ATP13A4: variants seen among roughly 807,000 people sequenced by gnomAD.
The protein encoded by ATP13A4 is ATPase 13A4, also known as probable cation-transporting ATPase 13A4.
Under a neutral mutation model 142.5 loss-of-function variants are expected in ATP13A4, and 114 were observed. That is an observed-to-expected ratio of 0.80 (90% CI 0.69 to 0.93). The LOEUF is 0.93. ATP13A4 is among the 40% of genes least tolerant of loss of function. The pLI is 0.00. For synonymous variants in ATP13A4, 488 were observed against 514.8 expected (o/e 0.95, Z 0.70); for missense variants, 1,392 against 1,454.0 (o/e 0.96, Z 0.69).
At chr3:193,471,083 G>A in intron 8 of ATP13A4, 90 bp from the exon 9 acceptor site, 1 of 1,553,578 alleles carries the variant, frequency 6.4e-7, no homozygotes, top group Non-Finnish European at 8.9e-7. Flanking sequence ...CAATGAAAAA[G>A]CAACCAAGAC....
At chr3:193,578,023 G>A (rs912015848) in intron 2 of ATP13A4, among the ~76,000 whole-genome samples, 3 of 152,262 alleles carry the variant, frequency 2.0e-5, no homozygotes, top group South Asian at 4.1e-4. Context: ...GGCTAGGTGC[G>A]GTGGCTCACT....
At chr3:193,479,048 C>A (rs971628272) in intron 8 of ATP13A4, among the ~76,000 whole-genome samples, 5 of 152,088 alleles carry the variant, frequency 3.3e-5, no homozygotes, top group Non-Finnish European at 7.4e-5. Flanking sequence ...GCATAAAAAG[C>A]ATTTGACAAA....
At chr3:193,464,037 A>G (rs1718117657) in intron 12 of ATP13A4, among the ~76,000 whole-genome samples, 1 of 152,254 alleles carries the variant, frequency 6.6e-6, no homozygotes. Flanking sequence ...AGTGAACAGT[A>G]CACTTAAAAA....
chr3:193,555,113 C>T, upstream of ATP13A4: 1 of 446,752 alleles, frequency 2.2e-6, no homozygotes, highest in Non-Finnish European at 4.1e-6. Context: ...AGGGAAAGAA[C>T]TCATTGCCTG....
chr3:193,502,481 A>T lies in ATP13A4; in HGVS notation c.381+12T>A, dbSNP rs989912688. On this transcript the variant is annotated intron_variant, in intron 3 of 29. Coordinates refer to ENST00000342695, the MANE Select transcript of ATP13A4 (RefSeq NM_032279.4). ...TCTCTCTGACATCAGCAGTAGCCATAAGTTTACTTACCTTTAGGTCTGGCT... is the reference window on the plus strand; with the variant it reads ...TCTCTCTGACATCAGCAGTAGCCATTAGTTTACTTACCTTTAGGTCTGGCT... The T allele has an allele frequency of 1.1e-5, 17 of 1,612,928 alleles. No homozygotes were observed. The highest frequency in any genetic ancestry group is 1.4e-5 in the Non-Finnish European group (17 of 1,179,080).
At chr3:193,534,762 T>C (rs940565450) in intron 1 of ATP13A4, among the ~76,000 whole-genome samples, 4 of 152,120 alleles carry the variant, frequency 2.6e-5, no homozygotes, top group African/African-American at 9.7e-5. Context: ...TACTATGTCA[T>C]TGGAATCCTA....
rs75765886 is a variant in ATP13A4, at chr3:193,460,280, A to G, written c.1524-1049T>C. ...ATTCTTCTTTTTTGGAAAAGTTCCT[A>G]AATTTGTCATTGTCTGATCCTGGAG... On this transcript the variant is annotated intron_variant, in intron 13 of 29. Coordinates refer to ENST00000342695, the MANE Select transcript of ATP13A4 (RefSeq NM_032279.4). Among the ~76,000 whole-genome samples the G allele has an allele frequency of 3.6e-3, 544 of 152,284 alleles. 3 individuals carry two copies. The highest frequency in any genetic ancestry group is 0.012 in the African/African-American group (519 of 41,558).
In ATP13A4 at chr3:193,432,064, G is replaced by T. The variant is rs112284280; in HGVS notation, c.2842+1781C>A. On this transcript the variant is annotated intron_variant, in intron 25 of 29. Coordinates refer to ENST00000342695, the MANE Select transcript of ATP13A4 (RefSeq NM_032279.4). ...CAGGGTCAAATAAGAATTTTTAAAA[G>T]AAAGAAGATATGAGAATGTATTATA... 5.9e-5 allele frequency among the ~76,000 whole-genome samples: 9 copies of T among 152,014 alleles called. 1 individual carries two copies. The highest frequency in any genetic ancestry group is 2.2e-4 in the African/African-American group (9 of 41,508).
chr3:193,457,912 T>C (rs1717731460), intron 14 of ATP13A4, among the ~76,000 whole-genome samples: 1 of 152,216 alleles, frequency 6.6e-6, no homozygotes, highest in Non-Finnish European at 1.5e-5. Flanking sequence ...GCAGAGACTG[T>C]GATATACATG....
At chr3:193,587,978 T>A (rs6444731) in intron 1 of ATP13A4, among the ~76,000 whole-genome samples, 68,743 of 151,000 alleles carry the variant, frequency 0.46, 16,516 homozygotes, top group African/African-American at 0.61. Flanking sequence ...TATATATATT[T>A]AAAAATTAGC....
In ATP13A4 at chr3:193,470,889, T is replaced by C; in HGVS notation, c.913A>G (p.Ser305Gly). The C allele has an allele frequency of 6.2e-7, 1 of 1,614,142 alleles. No homozygotes were observed. Among genetic ancestry groups the C allele is most frequent in the Non-Finnish European group, 8.5e-7 (1 of 1,180,038 alleles). Residue 305 changes from serine (S) to glycine (G), a missense_variant, in exon 9 of 30, where the codon AGC becomes GGC. Transcript: ENST00000342695. ...AGCATGCCTTCATCCACCACACAGCTGCCTTCAATCAGAACGGCATCACAT... is the reference window on the plus strand; with the variant it reads ...AGCATGCCTTCATCCACCACACAGCCGCCTTCAATCAGAACGGCATCACAT... ...MPCDAVLIEG[S>G]CVVDEGMLTG...
At chr3:193,576,058 T>C (rs1048615614) in intron 2 of ATP13A4, among the ~76,000 whole-genome samples, 3 of 152,090 alleles carry the variant, frequency 2.0e-5, no homozygotes, top group African/African-American at 7.2e-5. Context: ...GTGCACAGGC[T>C]AGCCATCCGC....
intron 23 of ATP13A4, among the ~76,000 whole-genome samples, chr3:193,437,025 A>G (rs1576959885): frequency 7.1e-6 from 1 of 141,348 alleles, no homozygotes; most frequent in African/African-American, 2.8e-5. Context: ...AATGGCGTGA[A>G]CCCGGGAGGC....
intron 3 of ATP13A4, among the ~76,000 whole-genome samples, chr3:193,499,560 A>G (rs1192369640): frequency 6.6e-6 from 1 of 152,212 alleles, no homozygotes; most frequent in Non-Finnish European, 1.5e-5. Context: ...GTAACTTCCC[A>G]GGAATTTGAA....
chr3:193,587,999 G>A (rs1174670118), intron 1 of ATP13A4, among the ~76,000 whole-genome samples: 1 of 151,930 alleles, frequency 6.6e-6, no homozygotes, highest in East Asian at 1.9e-4. Flanking sequence ...CAGGCATGGT[G>A]ATATATGTCT....
At chr3:193,496,163 A>T (rs983400285) in intron 3 of ATP13A4, among the ~76,000 whole-genome samples, 1 of 152,220 alleles carries the variant, frequency 6.6e-6, no homozygotes, top group Non-Finnish European at 1.5e-5. Flanking sequence ...CAATGTACAG[A>T]TTCAATTCAA....
intron 20 of ATP13A4, among the ~76,000 whole-genome samples, chr3:193,440,974 T>G (rs1716597598): frequency 6.6e-6 from 1 of 152,132 alleles, no homozygotes; most frequent in African/African-American, 2.4e-5. Context: ...AGCAAAAGGT[T>G]GATCTATATA....
chr3:193,500,351 T>TG (rs1312081408), intron 3 of ATP13A4, among the ~76,000 whole-genome samples: 215 of 152,270 alleles, frequency 1.4e-3, no homozygotes, highest in African/African-American at 5.1e-3. Context: ...AAGATGGTCC[T>TG]TAGCATCTCC....
At chr3:193,531,316 A>AGGG (rs1722314785) in intron 1 of ATP13A4, among the ~76,000 whole-genome samples, 1 of 90,862 alleles carries the variant, frequency 1.1e-5, no homozygotes. Context: ...GGAAGGAAGG[A>AGGG]AGGAAGGAAG....
Sources: allele counts gnomAD v4.1 joint callset (sites outside exome capture counted in the v4.1 genomes callset), GRCh38; gene constraint gnomAD v4.1.1; transcripts MANE v1.5; gene names NCBI Gene and HGNC (gene_info 2026-07-23, HGNC 2026-07-21).